CNTN4: variants seen among roughly 807,000 people sequenced by gnomAD.
CNTN4 encodes contactin 4.
Under a neutral mutation model 122.5 loss-of-function variants are expected in CNTN4, and 77 were observed. That is an observed-to-expected ratio of 0.63 (90% CI 0.52 to 0.76). CNTN4 has a LOEUF of 0.76. Among genes scored for constraint, CNTN4 ranks in the 30% least tolerant of loss-of-function variants. The pLI, the probability that CNTN4 is intolerant of heterozygous loss-of-function variation, is 0.00. For synonymous variants in CNTN4, 512 were observed against 447.0 expected (o/e 1.15, Z -1.83); for missense variants, 1,256 against 1,259.1 (o/e 1.00, Z 0.04).
At chr3:2,887,263 A>C (rs749904447) in intron 10 of CNTN4, 39 bp downstream of exon 10, 1 of 1,572,958 alleles carries the variant, frequency 6.4e-7, no homozygotes, top group African/African-American at 1.3e-5. Flanking sequence ...ATAGTGCTAC[A>C]GAACTTCCTG....
chr3:2,109,016 G>A (rs1009986426), intron 2 of CNTN4, among the ~76,000 whole-genome samples: 18 of 152,214 alleles, frequency 1.2e-4, no homozygotes, highest in African/African-American at 4.3e-4. Context: ...AGTGGGGCAA[G>A]CAAGTCAGTG....
At chr3:2,779,719 C>G (rs1442541248) in intron 6 of CNTN4, among the ~76,000 whole-genome samples, 1 of 152,042 alleles carries the variant, frequency 6.6e-6, no homozygotes, top group Non-Finnish European at 1.5e-5. Flanking sequence ...TGTGACATCA[C>G]ATGGGCAATA....
chr3:2,217,517 T>C (rs1379343071), intron 2 of CNTN4, among the ~76,000 whole-genome samples: 1 of 152,214 alleles, frequency 6.6e-6, no homozygotes, highest in Non-Finnish European at 1.5e-5. Context: ...CCTTTTTGAG[T>C]AATCTTTGAA....
intron 3 of CNTN4, among the ~76,000 whole-genome samples, chr3:2,554,550 T>G (rs1379752998): frequency 1.3e-5 from 2 of 151,992 alleles, no homozygotes; most frequent in Non-Finnish European, 2.9e-5. Context: ...GAAAAAAAAA[T>G]TACTGAAAAT....
chr3:2,930,558 G>A (rs1299885044), intron 13 of CNTN4, among the ~76,000 whole-genome samples: 1 of 152,150 alleles, frequency 6.6e-6, no homozygotes, highest in Non-Finnish European at 1.5e-5. Flanking sequence ...TTATTCTTAT[G>A]CTTAAGGGTT....
intron 8 of CNTN4, among the ~76,000 whole-genome samples, chr3:2,876,322 C>T (rs907761880): frequency 6.6e-6 from 1 of 152,108 alleles, no homozygotes; most frequent in African/African-American, 2.4e-5. Context: ...TGCCTTTTTT[C>T]AAAAGGGCAA....
chr3:2,676,662 G>A (rs545117179), intron 4 of CNTN4, among the ~76,000 whole-genome samples: 2 of 152,286 alleles, frequency 1.3e-5, no homozygotes, highest in African/African-American at 2.4e-5. Context: ...AATTCTAGGG[G>A]AAAGAAACGA....
intron 2 of CNTN4, among the ~76,000 whole-genome samples, chr3:2,171,067 AG>A (rs775033575): frequency 1.3e-5 from 2 of 152,234 alleles, no homozygotes; most frequent in Non-Finnish European, 2.9e-5. Context: ...TAACTATAAT[AG>A]AGGAAGATGT....
intron 8 of CNTN4, among the ~76,000 whole-genome samples, chr3:2,879,727 A>G (rs2093885483): frequency 6.6e-6 from 1 of 152,168 alleles, no homozygotes; most frequent in Non-Finnish European, 1.5e-5. Flanking sequence ...GGCATGAGGG[A>G]TCTTACTGGG....
At chr3:2,322,767 A>G (rs2043314551) in intron 2 of CNTN4, among the ~76,000 whole-genome samples, 1 of 152,194 alleles carries the variant, frequency 6.6e-6, no homozygotes, top group Non-Finnish European at 1.5e-5. Flanking sequence ...CTAAGCATCT[A>G]ATTATCTGAA....
chr3:3,016,339 G>A (rs1042720090), intron 14 of CNTN4, among the ~76,000 whole-genome samples: 6 of 152,070 alleles, frequency 3.9e-5, no homozygotes, highest in African/African-American at 1.4e-4. Flanking sequence ...GTTATTACTT[G>A]CTATTTTGCT....
intron 15 of CNTN4, among the ~76,000 whole-genome samples, chr3:3,026,741 G>A (rs940559099): frequency 1.3e-5 from 2 of 152,086 alleles, no homozygotes; most frequent in African/African-American, 4.8e-5. Flanking sequence ...TGAATTTAGG[G>A]TTTTCTTTCT....
At chr3:2,668,310 C>A (rs1346640705) in intron 4 of CNTN4, among the ~76,000 whole-genome samples, 6 of 152,128 alleles carry the variant, frequency 3.9e-5, no homozygotes, top group African/African-American at 1.4e-4. Flanking sequence ...TCCTTCACAT[C>A]CTTTGTAAGT....
intron 4 of CNTN4, among the ~76,000 whole-genome samples, chr3:2,581,553 A>G (rs1559264825): frequency 6.6e-6 from 1 of 152,212 alleles, no homozygotes; most frequent in Non-Finnish European, 1.5e-5. Flanking sequence ...CTGTTTTAAC[A>G]CATCCCCTTT....
chr3:3,046,088 A>C (rs146010084), intron 23 of CNTN4, among the ~76,000 whole-genome samples: 302 of 152,358 alleles, frequency 2.0e-3, no homozygotes, highest in African/African-American at 6.8e-3. Context: ...AAAAAGAATG[A>C]AAAGAAACGA....
At chr3:2,446,976 G>A (rs1009893868) in intron 3 of CNTN4, among the ~76,000 whole-genome samples, 1 of 152,080 alleles carries the variant, frequency 6.6e-6, no homozygotes, top group African/African-American at 2.4e-5. Flanking sequence ...ATAACTAGGG[G>A]AAGAACAACA....
At chr3:2,241,690 G>C (rs2039947062) in intron 2 of CNTN4, among the ~76,000 whole-genome samples, 1 of 152,118 alleles carries the variant, frequency 6.6e-6, no homozygotes, top group Non-Finnish European at 1.5e-5. Flanking sequence ...CATTCTCTCT[G>C]TATCTGCCTC....
intron 2 of CNTN4, among the ~76,000 whole-genome samples, chr3:2,238,154 C>T (rs1442997233): frequency 6.6e-6 from 1 of 151,592 alleles, no homozygotes; most frequent in Non-Finnish European, 1.5e-5. Flanking sequence ...TGAGGAATAA[C>T]GTATTTTGGG....
intron 6 of CNTN4, among the ~76,000 whole-genome samples, chr3:2,750,606 AT>A (rs1240861250): frequency 2.0e-5 from 3 of 152,150 alleles, no homozygotes; most frequent in African/African-American, 7.2e-5. Context: ...TTGTAATGTA[AT>A]TGGGAGCACA....
Sources: gnomAD v4.1 joint callset for allele counts (sites outside exome capture counted in the v4.1 genomes callset) on GRCh38, gnomAD v4.1.1 for gene constraint, MANE v1.5 for transcripts, NCBI Gene and HGNC (gene_info 2026-07-23, HGNC 2026-07-21) for gene names.